The following TTC21A variants were observed in gnomAD, a reference collection of about 807,000 sequenced individuals.
TTC21A encodes the protein tetratricopeptide repeat domain 21A.
A neutral mutation model predicts 156.4 loss-of-function variants in TTC21A; 128 were observed. The observed-to-expected ratio is 0.82, with a 90% CI of 0.71 to 0.95. TTC21A has a LOEUF of 0.95. TTC21A is among the 40% of genes least tolerant of loss of function. The probability of loss-of-function intolerance (pLI) is 0.00; values close to 1 mark genes in which losing one functional copy is unlikely to be tolerated. For synonymous variants in TTC21A, 587 were observed against 617.1 expected (o/e 0.95, Z 0.72); for missense variants, 1,435 against 1,602.3 (o/e 0.90, Z 1.78).
At chr3:39,128,146 G>A (rs1204054337) in intron 12 of TTC21A, among the ~76,000 whole-genome samples, 185 bp from the exon 13 acceptor site, 1 of 152,200 alleles carries the variant, frequency 6.6e-6, no homozygotes, top group Non-Finnish European at 1.5e-5. Context: ...TCTGAGTCAA[G>A]GAAACAACTG....
intron 11 of TTC21A, 82 bp from the exon 12 acceptor site, chr3:39,126,179 T>G: frequency 6.4e-7 from 1 of 1,560,476 alleles, no homozygotes; most frequent in Non-Finnish European, 8.8e-7. Context: ...ATTCCTTCAC[T>G]GAGAGCATTT....
chr3:39,135,281 C>G, intron 22 of TTC21A, 107 bp downstream of exon 22: 9 of 926,438 alleles, frequency 9.7e-6, no homozygotes, highest in African/African-American at 1.6e-5. Flanking sequence ...CAGAGGAAGC[C>G]CCTTCCTCCC....
At position 39,124,998 on chromosome 3, in the gene TTC21A, G is replaced by A. The variant is rs2038099757; in HGVS notation, c.1094-65G>A. Reference sequence around the variant, plus strand: ...TTCCACTGTCTTATCCATGCCCCTTGACCTGATGGGCTGCTGGCTATGCTT... The same window carrying A: ...TTCCACTGTCTTATCCATGCCCCTTAACCTGATGGGCTGCTGGCTATGCTT... On this transcript the variant is annotated intron_variant, in intron 9 of 28. Transcript: ENST00000683103. 3.8e-6 allele frequency: 4 copies of A among 1,050,340 alleles called. No individual in the cohort carries two copies. The Admixed American group carries it at 5.1e-5, about 13-fold the overall frequency. 65.1% of individuals were successfully genotyped at this position (1,050,340 alleles called of 1,614,324 possible). A position where few individuals can be genotyped will look rare whatever the true frequency, so the allele number is the denominator to read the frequency against.
At chr3:39,122,198 C>G (rs2037824003) in intron 9 of TTC21A, among the ~76,000 whole-genome samples, 1 of 151,876 alleles carries the variant, frequency 6.6e-6, no homozygotes, top group Non-Finnish European at 1.5e-5. Flanking sequence ...GTAATCCCAG[C>G]TATTTGGGAC....
chr3:39,126,749 A>G (rs1198256855), intron 12 of TTC21A, among the ~76,000 whole-genome samples: 1 of 152,162 alleles, frequency 6.6e-6, no homozygotes. Flanking sequence ...TCTCACCAGC[A>G]GGGGTCTCTC....
intron 15 of TTC21A, 146 bp from the exon 16 acceptor site, chr3:39,129,933 T>C (rs750685122): frequency 3.7e-5 from 32 of 870,368 alleles, no homozygotes; most frequent in Non-Finnish European, 5.7e-5. Flanking sequence ...GCACAGTGCC[T>C]CATTCACAGT....
chr3:39,135,042 A>G, intron 21 of TTC21A, 51 bp from the exon 22 acceptor site: 1 of 1,491,498 alleles, frequency 6.7e-7, no homozygotes, highest in African/African-American at 1.4e-5. Context: ...CCCTACACCC[A>G]TGCAAGCTGC....
Position 39,138,300 on chromosome 3 carries a change from A to G in TTC21A, c.3709A>G (p.Ile1237Val). 3 of 1,614,198 alleles carry G rather than the reference A, an allele frequency of 1.9e-6. No individual in the cohort carries two copies. Among genetic ancestry groups the G allele is most frequent in the Non-Finnish European group, 2.5e-6 (3 of 1,180,026 alleles). ...CAAGGCCTATGAGTACATGGGCTTC[A>G]TCATGGAGAAGGAGCAGTCCTACAA... ...CYKAYEYMGF[I>V]MEKEQSYKDA... Residue 1237 changes from isoleucine (I) to valine (V), a missense_variant, in exon 27 of 29, where the codon ATC becomes GTC. By Grantham distance (29) the Ile-to-Val change is conservative. Transcript: ENST00000683103.
chr3:39,137,805 T>G (rs2039248807), intron 26 of TTC21A, 95 bp downstream of exon 26: 1 of 1,336,008 alleles, frequency 7.5e-7, no homozygotes, highest in Middle Eastern at 1.9e-4. Flanking sequence ...AGAGGCCATA[T>G]GGAATAAGAA....
At chr3:39,136,867 C>A (rs1313159591) in intron 23 of TTC21A, 32 bp from the exon 24 acceptor site, 1 of 1,611,580 alleles carries the variant, frequency 6.2e-7, no homozygotes, top group Admixed American at 1.7e-5. Flanking sequence ...CTCAGTTTCC[C>A]TCACTGATTC....
chr3:39,135,861 C>T (rs2039072167), intron 22 of TTC21A, among the ~76,000 whole-genome samples: 1 of 152,064 alleles, frequency 6.6e-6, no homozygotes, highest in Non-Finnish European at 1.5e-5. Flanking sequence ...CGAAACCATC[C>T]TGGCTACACG....
At position 39,138,779 on chromosome 3, in the gene TTC21A, G is replaced by A. The variant is rs756787380; in HGVS notation, c.3933G>A (p.Leu1311=). ...TTTTGGAAAAGGCCCGAAGGTCCCT[G>A]AGGCCCTAGCTGGGGTCAAGGGGCC... ...EEILEKARRS[L]RP The change falls in exon 29 of 29, where the codon CTG becomes CTA. Residue 1311 remains leucine, a synonymous_variant. Transcript: ENST00000683103. 6.2e-6 allele frequency: 10 copies of A among 1,613,904 alleles called. No homozygotes were observed. In the South Asian group the frequency reaches 9.9e-5, roughly 16 times the overall value.
Position 39,107,740 on chromosome 3 carries a change from C to T in TTC21A, c.-98C>T. The T allele has an allele frequency of 6.4e-7, 1 of 1,566,884 alleles. No homozygotes were observed. Among genetic ancestry groups the T allele is most frequent in the Non-Finnish European group, 8.7e-7 (1 of 1,145,290 alleles). ...CGGTTTCCAAGGACTGTAACGCCTTCAACCGCCCGCCGCGATAGAGTGCCC... is the reference window on the plus strand; with the variant it reads ...CGGTTTCCAAGGACTGTAACGCCTTTAACCGCCCGCCGCGATAGAGTGCCC... On this transcript the variant is annotated 5_prime_UTR_variant, in exon 1 of 29. Coordinates refer to ENST00000683103, the MANE Select transcript of TTC21A (RefSeq NM_001366900.1).
chr3:39,132,959 A>G (rs1427057579), intron 19 of TTC21A, 93 bp from the exon 20 acceptor site: 7 of 1,452,488 alleles, frequency 4.8e-6, no homozygotes, highest in Non-Finnish European at 5.7e-6. Flanking sequence ...GTCATTTTTC[A>G]TACTTCTGGC....
At chr3:39,114,508 C>G in intron 5 of TTC21A, 77 bp from the exon 6 acceptor site, 1 of 1,451,942 alleles carries the variant, frequency 6.9e-7, no homozygotes, top group Non-Finnish European at 9.6e-7. Flanking sequence ...CATGGAGACA[C>G]AGAGACAACC....
rs2038482253 is a variant in TTC21A at position 39,128,817 on chromosome 3, T to A, written c.1781T>A (p.Leu594Ter). The part of the protein sequence containing the change: ...AIKTLKMVIK[L>*]PALKKEEGRK... ...AAGACGCTGAAAATGGTCATCAAAT[T>A]GCCAGCTCTGAAGAAGGAAGAAGGC... Residue 594 changes from leucine to a stop codon, truncating the protein, a stop_gained, in exon 14 of 29, where the codon TTG becomes TAG. Coordinates refer to ENST00000683103, the MANE Select transcript of TTC21A (RefSeq NM_001366900.1). LOFTEE classifies it high-confidence loss of function. 6.2e-7 allele frequency: 1 copy of A among 1,614,000 alleles called. No individual in the cohort carries two copies. The highest frequency in any genetic ancestry group is 1.1e-5 in the South Asian group (1 of 91,072).
At chr3:39,124,312 G>T (rs554732126) in intron 9 of TTC21A, among the ~76,000 whole-genome samples, 1 of 152,088 alleles carries the variant, frequency 6.6e-6, no homozygotes. Context: ...AAAGAAAATG[G>T]GGTAGATTTG....
rs60845030 is a variant in TTC21A, at chr3:39,124,658, C to CAAAAAAAAAAAAA, written c.1094-402_1094-390dup. ...TGGGCAAAAGAGCGAAACTCCGTCT[C>CAAAAAAAAAAAAA]AAAAAAAAAAAAAAAGCAGATTGTA... On this transcript the variant is annotated intron_variant, in intron 9 of 28. Coordinates refer to ENST00000683103, the MANE Select transcript of TTC21A (RefSeq NM_001366900.1). Among the ~76,000 whole-genome samples the CAAAAAAAAAAAAA allele has an allele frequency of 3.9e-4, 28 of 71,066 alleles. 4 individuals are homozygous for CAAAAAAAAAAAAA. The highest frequency in any genetic ancestry group is 7.4e-4 in the South Asian group (1 of 1,356). 46.6% of individuals were successfully genotyped at this position (71,066 alleles called of 152,430 possible).
chr3:39,111,561 T>C lies in TTC21A; in HGVS notation c.435+544T>C, dbSNP rs1365323397. Among the ~76,000 whole-genome samples the C allele has an allele frequency of 3.9e-5, 6 of 152,122 alleles. No individual in the cohort carries two copies. In the East Asian group the frequency reaches 1.2e-3, roughly 29 times the overall value. The stretch of plus-strand genomic sequence containing the variant: ...CATATACTGTATATCTGCACTAATA[T>C]GGAATTTGAAGCCTCAGTCTAGGCC... On this transcript the variant is annotated intron_variant, in intron 4 of 28. Coordinates refer to ENST00000683103, the MANE Select transcript of TTC21A (RefSeq NM_001366900.1).
Sources: allele counts gnomAD v4.1 joint callset (sites outside exome capture counted in the v4.1 genomes callset), GRCh38; gene constraint gnomAD v4.1.1; transcripts MANE v1.5; gene names NCBI Gene and HGNC (gene_info 2026-07-23, HGNC 2026-07-21).